The following GABRA3 variants were observed in gnomAD, a reference collection of about 807,000 sequenced individuals.
The protein encoded by GABRA3 is gamma-aminobutyric acid receptor subunit alpha-3.
A neutral mutation model predicts 30.1 loss-of-function variants in GABRA3; 10 were observed. That is an observed-to-expected ratio of 0.33 (90% confidence interval 0.20 to 0.56). The LOEUF is 0.56. Ranked by LOEUF, GABRA3 falls within the 20% of genes least tolerant of loss-of-function variation. GABRA3 has a pLI of 0.89. For synonymous variants in GABRA3, 151 were observed against 146.8 expected (o/e 1.03, Z -0.21); for missense variants, 233 against 392.0 (o/e 0.59, Z 3.42).
chrX:152,426,478 G>T (rs1237449223), intron 1 of GABRA3, among the ~76,000 whole-genome samples: 1 of 111,614 alleles, frequency 9.0e-6, no homozygotes, highest in East Asian at 2.8e-4. Context: ...TAACTTGCAA[G>T]AGTTAGTTGC....
intron 2 of GABRA3, among the ~76,000 whole-genome samples, chrX:152,361,742 A>G (rs1188297416): frequency 9.1e-6 from 1 of 110,269 alleles, no homozygotes; most frequent in African/African-American, 3.3e-5. Context: ...TCAGCCACCC[A>G]AGTAGCTGGG....
intron 9 of GABRA3, chrX:152,171,316 G>A: frequency 3.8e-6 from 1 of 264,660 alleles, no homozygotes; most frequent in Non-Finnish European, 5.2e-6. Context: ...GGGAGAAGCA[G>A]CAATCACGTT....
At chrX:152,390,621 T>C (rs1269764926) in intron 1 of GABRA3, among the ~76,000 whole-genome samples, 2 of 111,515 alleles carry the variant, frequency 1.8e-5, no homozygotes, top group Non-Finnish European at 3.8e-5. Context: ...AGGCAAATGG[T>C]TGTACAACAT....
intron 1 of GABRA3, among the ~76,000 whole-genome samples, chrX:152,417,026 G>C (rs1222036591): frequency 1.0e-5 from 1 of 97,476 alleles, no homozygotes; most frequent in Non-Finnish European, 2.1e-5. Context: ...TTGACAAATG[G>C]GATCTAATTA....
At chrX:152,387,862 T>C (rs1011104584) in intron 1 of GABRA3, among the ~76,000 whole-genome samples, 1 of 111,238 alleles carries the variant, frequency 9.0e-6, no homozygotes, top group Non-Finnish European at 1.9e-5. Context: ...CTTCCTTCCT[T>C]GTAAACAATC....
chrX:152,294,779 G>C (rs1041298229), intron 3 of GABRA3, among the ~76,000 whole-genome samples: 2 of 111,669 alleles, frequency 1.8e-5, no homozygotes, highest in Admixed American at 1.9e-4. Context: ...TCTACCTTTG[G>C]TCTTTGATGA....
chrX:152,405,756 G>A, intron 1 of GABRA3, among the ~76,000 whole-genome samples: 1 of 111,713 alleles, frequency 9.0e-6, no homozygotes, highest in Middle Eastern at 4.7e-3. Context: ...GAAGGACCCA[G>A]TCCTGGCAGG....
At chrX:152,376,261 C>T (rs187431117) in intron 1 of GABRA3, among the ~76,000 whole-genome samples, 12 of 110,887 alleles carry the variant, frequency 1.1e-4, no homozygotes, top group African/African-American at 3.9e-4. Context: ...CCCTCACTTC[C>T]TTGCCCCACT....
At chrX:152,313,940 G>C (rs1353501539) in intron 3 of GABRA3, among the ~76,000 whole-genome samples, 3 of 111,516 alleles carry the variant, frequency 2.7e-5, no homozygotes, top group African/African-American at 9.8e-5. Flanking sequence ...TACCCAGGAA[G>C]ATGGTCATTA....
At chrX:152,209,997 T>C (rs775488978) in intron 6 of GABRA3, among the ~76,000 whole-genome samples, 64 of 112,397 alleles carry the variant, frequency 5.7e-4, no homozygotes, top group African/African-American at 2.0e-3. Context: ...ATTAATAGAC[T>C]TTTTTTTACA....
intron 3 of GABRA3, among the ~76,000 whole-genome samples, chrX:152,345,088 G>C (rs1284269724): frequency 9.0e-6 from 1 of 111,168 alleles, no homozygotes; most frequent in Non-Finnish European, 1.9e-5. Flanking sequence ...ATATGCTCAG[G>C]GTTTTGAAAA....
At chrX:152,428,564 C>T (rs966490803) in intron 1 of GABRA3, among the ~76,000 whole-genome samples, 1 of 111,688 alleles carries the variant, frequency 9.0e-6, no homozygotes, top group Non-Finnish European at 1.9e-5. Context: ...CAGCCTCCAG[C>T]CCCCACTGAG....
chrX:152,348,202 T>C (rs765224622), intron 2 of GABRA3, among the ~76,000 whole-genome samples: 40 of 111,072 alleles, frequency 3.6e-4, no homozygotes, highest in Middle Eastern at 9.3e-3. Flanking sequence ...ATCCTATAGT[T>C]TGAATTCAAA....
At chrX:152,342,905 T>C (rs1940335978) in intron 3 of GABRA3, among the ~76,000 whole-genome samples, 1 of 111,464 alleles carries the variant, frequency 9.0e-6, no homozygotes, top group African/African-American at 3.3e-5. Flanking sequence ...GAAACTCTGG[T>C]TGGTGAAAAC....
intron 3 of GABRA3, among the ~76,000 whole-genome samples, chrX:152,311,407 G>A (rs1939797378): frequency 8.9e-6 from 1 of 112,105 alleles, no homozygotes; most frequent in Non-Finnish European, 1.9e-5. Flanking sequence ...TTCAACATGT[G>A]CAAATTAATA....
chrX:152,231,212 T>TATAC (rs1201921451), intron 5 of GABRA3, among the ~76,000 whole-genome samples: 4 of 107,928 alleles, frequency 3.7e-5, no homozygotes, highest in Non-Finnish European at 5.8e-5. Flanking sequence ...TATGTATATA[T>TATAC]ATACATACAC....
At chrX:152,399,418 T>A (rs1001657363) in intron 1 of GABRA3, among the ~76,000 whole-genome samples, 9 of 110,871 alleles carry the variant, frequency 8.1e-5, no homozygotes, top group East Asian at 2.8e-4. Flanking sequence ...GCTCAGATTT[T>A]AAAAAAAATA....
At chrX:152,434,453 A>C (rs1304712672) in intron 1 of GABRA3, among the ~76,000 whole-genome samples, 1 of 111,100 alleles carries the variant, frequency 9.0e-6, no homozygotes, top group East Asian at 2.8e-4. Context: ...TCCCCCTCTG[A>C]CTAATACACC....
chrX:152,429,213 T>C (rs1277459338), intron 1 of GABRA3, among the ~76,000 whole-genome samples: 1 of 111,059 alleles, frequency 9.0e-6, no homozygotes, highest in Non-Finnish European at 1.9e-5. Flanking sequence ...TAGTGTTTGC[T>C]AAATATTCCT....
Sources: gnomAD v4.1 joint callset for allele counts (sites outside exome capture counted in the v4.1 genomes callset) on GRCh38, gnomAD v4.1.1 for gene constraint, MANE v1.5 for transcripts, NCBI Gene and HGNC (gene_info 2026-07-23, HGNC 2026-07-21) for gene names.